The following IFT22 variants were observed in gnomAD, a reference collection of about 807,000 sequenced individuals.
The protein encoded by IFT22 is intraflagellar transport protein 22 homolog.
In IFT22, 13 loss-of-function variants were observed where a neutral mutation model predicts 21.0. The observed-to-expected ratio is 0.62, with a 90% confidence interval of 0.40 to 0.98. The LOEUF is 0.98. Ranked by LOEUF, IFT22 falls within the 50% of genes least tolerant of loss-of-function variation. The pLI, the probability that IFT22 is intolerant of heterozygous loss-of-function variation, is 0.00. For missense variants in IFT22, 227 were observed against 228.9 expected, an observed-to-expected ratio of 0.99 and a Z score of 0.06; for synonymous variants, 67 against 82.4, an observed-to-expected ratio of 0.81 and a Z score of 1.01.
In IFT22 at chr7:101,318,279, G is replaced by T. The variant is rs557924496; in HGVS notation, c.117-66C>A. On this transcript the variant is annotated intron_variant, in intron 2 of 4. Transcript: ENST00000315322. ...TCACGCCTGTAATCTCAGCAGTCTG[G>T]GAGGCCAAGGCGGGCAGATCACTTG... 23 of 1,278,024 alleles carry T rather than the reference G, an allele frequency of 1.8e-5. No individual in the cohort carries two copies. In the East Asian group the frequency reaches 5.7e-4, roughly 32 times the overall value. 79.2% of individuals were successfully genotyped at this position (1,278,024 alleles called of 1,614,324 possible).
Position 101,321,706 on chromosome 7 carries a change from G to A in IFT22, c.4C>T (p.Leu2=), listed in dbSNP as rs1790358484. The change falls in exon 1 of 5, where the codon CTG becomes TTG. Residue 2 remains leucine, a synonymous_variant. Coordinates refer to ENST00000315322, the MANE Select transcript of IFT22 (RefSeq NM_022777.4). M[L]KAKILFVGPC... is the part of the protein sequence containing the mutation. ...CCCACGAAGAGGATCTTGGCTTTCA[G>A]CATAGTTGTCCGCCGCGGCTTAGCC... 1 of 1,600,566 alleles carries A rather than the reference G, an allele frequency of 6.2e-7. No individual in the cohort carries two copies. The highest frequency in any genetic ancestry group is 8.5e-7 in the Non-Finnish European group (1 of 1,173,546).
intron 1 of IFT22, 154 bp from the exon 2 acceptor site, chr7:101,319,186 T>C (rs1790255521): frequency 1.5e-6 from 1 of 654,878 alleles, no homozygotes; most frequent in Non-Finnish European, 2.8e-6. Context: ...ACTGTCTTGC[T>C]CTAGTGCAGT....
At position 101,312,403 on chromosome 7, in the gene IFT22, C is replaced by T. The variant is rs190529399; in HGVS notation, c.*2731G>A. ...TGTGGTCATGCCACTGCACTCCAGC[C>T]GGGATGACAGAGTGACACCGTGTCT... On this transcript the variant is annotated 3_prime_UTR_variant, in exon 5 of 5. Coordinates refer to ENST00000315322, the MANE Select transcript of IFT22 (RefSeq NM_022777.4). 5.3e-3 allele frequency among the ~76,000 whole-genome samples: 812 copies of T among 151,812 alleles called. 5 individuals are homozygous for T. The highest frequency in any genetic ancestry group is 0.015 in the African/African-American group (633 of 41,352).
At chr7:101,318,043 C>A in intron 3 of IFT22, 81 bp downstream of exon 3, 1 of 1,189,464 alleles carries the variant, frequency 8.4e-7, no homozygotes, top group Non-Finnish European at 1.2e-6. Flanking sequence ...GCTGGAATTA[C>A]AGGTGTGAGC....
chr7:101,314,938 T>C lies in IFT22; in HGVS notation c.*196A>G. On this transcript the variant is annotated 3_prime_UTR_variant, in exon 5 of 5. Transcript: ENST00000315322. ...GGAAATCCAAATTTGATAATAGGAT[T>C]TTCTCAACTGAACTCAGGGCAGAGC... 1 of 564,568 alleles carries C rather than the reference T, an allele frequency of 1.8e-6. No homozygotes were observed. Among genetic ancestry groups the C allele is most frequent in the East Asian group, 3.0e-5 (1 of 33,250 alleles). 35.0% of individuals were successfully genotyped at this position (564,568 alleles called of 1,614,324 possible).
chr7:101,314,238 CCT>C lies in IFT22; in HGVS notation c.*894_*895del, dbSNP rs1790066559. 1.3e-5 allele frequency: 2 copies of C among 150,644 alleles called. No homozygotes were observed. Among genetic ancestry groups the C allele is most frequent in the Non-Finnish European group, 3.0e-5 (2 of 67,772 alleles). 9.3% of individuals were successfully genotyped at this position (150,644 alleles called of 1,614,324 possible). ...GTGGCGCAATCTTGGCTCACTGCAACCTCTGTCTCCCGGGCTCAAACAATTCT... is the reference window on the plus strand; with the variant it reads ...GTGGCGCAATCTTGGCTCACTGCAACCTGTCTCCCGGGCTCAAACAATTCT... On this transcript the variant is annotated 3_prime_UTR_variant, in exon 5 of 5. Transcript: ENST00000315322.
rs1418560553 is a variant in IFT22, at chr7:101,311,921, T to A, written c.*3213A>T. Among the ~76,000 whole-genome samples, 1 of 151,946 alleles carries A rather than the reference T, an allele frequency of 6.6e-6. No individual in the cohort carries two copies. Among genetic ancestry groups the A allele is most frequent in the African/African-American group, 2.4e-5 (1 of 41,342 alleles). ...TGCTTGGGAGGCTGAGGGAGGAGAA[T>A]CAGTTGAACCCGGAGGGTGGAGATT... On this transcript the variant is annotated 3_prime_UTR_variant, in exon 5 of 5. Transcript: ENST00000315322.
At position 101,312,737 on chromosome 7, in the gene IFT22, A is replaced by G. The variant is rs1480937376; in HGVS notation, c.*2397T>C. On this transcript the variant is annotated 3_prime_UTR_variant, in exon 5 of 5. Transcript: ENST00000315322. The stretch of plus-strand genomic sequence containing the variant: ...TTTTTAGTAGAGTCGGGGTTTCACC[A>G]TGTTGGACAGGCTGGTCTCGAACTC... Among the ~76,000 whole-genome samples, 1 of 151,618 alleles carries G rather than the reference A, an allele frequency of 6.6e-6. No homozygotes were observed. The highest frequency in any genetic ancestry group is 1.9e-4 in the East Asian group (1 of 5,142).
rs200550815 is a variant in IFT22, at chr7:101,318,920, T to C, written c.116+36A>G. The C allele has an allele frequency of 5.8e-6, 9 of 1,542,990 alleles. No homozygotes were observed. In the Admixed American group the frequency reaches 8.3e-5, roughly 14 times the overall value. ...GGAATGAGCCTCCCTGCCGAGCCAG[T>C]TGGACACTCTGGGACACAGATTTGT... is the stretch of plus-strand genomic sequence containing the variant. On this transcript the variant is annotated intron_variant, in intron 2 of 4. Transcript: ENST00000315322.
Position 101,315,000 on chromosome 7 carries a change from C to T in IFT22, c.*134G>A, listed in dbSNP as rs917327557. On this transcript the variant is annotated 3_prime_UTR_variant, in exon 5 of 5. Transcript: ENST00000315322. ...GAGTGAACGCCCTGTGTGACAGGTG[C>T]CTTCCTGCAGGTAGGAACACTTCCT... 3.0e-5 allele frequency: 28 copies of T among 925,940 alleles called. No individual in the cohort carries two copies. Among genetic ancestry groups the T allele is most frequent in the South Asian group, 5.2e-5 (3 of 57,416 alleles). The allele number at this position is 925,940 out of a possible 1,614,324, so 57.4% of individuals were successfully genotyped here. A position where few individuals can be genotyped will look rare whatever the true frequency, so the allele number is the denominator to read the frequency against.
chr7:101,321,284 A>G (rs1790339567), intron 1 of IFT22: 1 of 229,986 alleles, frequency 4.3e-6, no homozygotes, highest in Non-Finnish European at 8.6e-6. Context: ...TGATCACACC[A>G]CTGCACTCCA....
At chr7:101,318,902 G>T in intron 2 of IFT22, 54 bp downstream of exon 2, 1 of 1,412,328 alleles carries the variant, frequency 7.1e-7, no homozygotes, top group Non-Finnish European at 1.0e-6. Flanking sequence ...AGAGGAATGA[G>T]CCTCCCTGCC....
In IFT22 at chr7:101,312,760, C is replaced by T. The variant is rs1790014573; in HGVS notation, c.*2374G>A. Among the ~76,000 whole-genome samples, 1 of 151,910 alleles carries T rather than the reference C, an allele frequency of 6.6e-6. No individual in the cohort carries two copies. Among genetic ancestry groups the T allele is most frequent in the African/African-American group, 2.4e-5 (1 of 41,412 alleles). On this transcript the variant is annotated 3_prime_UTR_variant, in exon 5 of 5. Transcript: ENST00000315322. Reference sequence around the variant, plus strand: ...CCATGTTGGACAGGCTGGTCTCGAACTCCTGACCTTGTGATTTACCTGCCT... The same window carrying T: ...CCATGTTGGACAGGCTGGTCTCGAATTCCTGACCTTGTGATTTACCTGCCT...
chr7:101,313,371 C>CT lies in IFT22; in HGVS notation c.*1762dup, dbSNP rs958830917. On this transcript the variant is annotated 3_prime_UTR_variant, in exon 5 of 5. Transcript: ENST00000315322. ...GCACTTCAATTTTTTTTTTTTTGCT[C>CT]TGTCACCAGGCTGGAGTGCAGTGGT... 1.4e-5 allele frequency: 2 copies of CT among 147,966 alleles called. No homozygotes were observed. Among genetic ancestry groups the CT allele is most frequent in the African/African-American group, 5.0e-5 (2 of 40,060 alleles). The allele number at this position is 147,966 out of a possible 1,614,324, so 9.2% of individuals were successfully genotyped here.
rs1338419616 is a variant in IFT22 at position 101,314,347 on chromosome 7, G to C, written c.*787C>G. 1 of 151,242 alleles carries C rather than the reference G, an allele frequency of 6.6e-6. No homozygotes were observed. Among genetic ancestry groups the C allele is most frequent in the African/African-American group, 2.4e-5 (1 of 41,062 alleles). 9.4% of individuals were successfully genotyped at this position (151,242 alleles called of 1,614,324 possible). On this transcript the variant is annotated 3_prime_UTR_variant, in exon 5 of 5. Coordinates refer to ENST00000315322, the MANE Select transcript of IFT22 (RefSeq NM_022777.4). ...GATTTTTCTATTTTTAGTAGAGATGGGGTTTCACCACGTTGGTCAGGATGG... is the reference window on the plus strand; with the variant it reads ...GATTTTTCTATTTTTAGTAGAGATGCGGTTTCACCACGTTGGTCAGGATGG...
Position 101,319,315 on chromosome 7 carries a change from G to A in IFT22, c.40-283C>T, listed in dbSNP as rs1042918037. On this transcript the variant is annotated intron_variant, in intron 1 of 4. Coordinates refer to ENST00000315322, the MANE Select transcript of IFT22 (RefSeq NM_022777.4). ...GTGATCTAGGCTCACTGCAACCCCC[G>A]GGTTCAAACGATTCTCCTGCCTCAG... Among the ~76,000 whole-genome samples the A allele has an allele frequency of 4.6e-5, 7 of 151,978 alleles. No individual in the cohort carries two copies. The East Asian group carries it at 9.7e-4, about 21-fold the overall frequency.
At chr7:101,318,235 G>A in intron 2 of IFT22, 22 bp from the exon 3 acceptor site, 1 of 1,595,318 alleles carries the variant, frequency 6.3e-7, no homozygotes. Context: ...AAGAAGAGCA[G>A]TAGGCTGGGT....
chr7:101,321,577 G>A, intron 1 of IFT22, 94 bp downstream of exon 1: 9 of 1,359,558 alleles, frequency 6.6e-6, no homozygotes, highest in Non-Finnish European at 8.0e-6. Flanking sequence ...CCGCCTCCGG[G>A]AGCAAGCCGC....
chr7:101,321,662 AG>A lies in IFT22; in HGVS notation c.39+8del. On this transcript the variant is annotated splice_region_variant and intron_variant, in intron 1 of 4. Transcript: ENST00000315322. ...CCCGCTCCCTCTGCCGCGCCGGGCC[AG>A]GACTTACCTCGCAAGGCCCCACGAA... 6.3e-7 allele frequency: 1 copy of A among 1,598,984 alleles called. No homozygotes were observed. Among genetic ancestry groups the A allele is most frequent in the South Asian group, 1.1e-5 (1 of 88,958 alleles).
Sources: allele counts gnomAD v4.1 joint callset (sites outside exome capture counted in the v4.1 genomes callset), GRCh38; gene constraint gnomAD v4.1.1; transcripts MANE v1.5; gene names NCBI Gene and HGNC (gene_info 2026-07-23, HGNC 2026-07-21).